Variants in CSMD1 observed in about 807,000 individuals in gnomAD.
CSMD1 encodes the protein CUB and Sushi multiple domains 1, also known as CUB and sushi domain-containing protein 1.
Under a neutral mutation model 417.5 loss-of-function variants are expected in CSMD1, and 213 were observed. The ratio of observed to expected loss-of-function variants is 0.51; its 90% CI spans 0.46 to 0.57. The LOEUF (loss-of-function observed/expected upper bound fraction) is 0.57. Ranked by LOEUF, CSMD1 falls within the 20% of genes least tolerant of loss-of-function variation. CSMD1 has a pLI of 0.00. For synonymous variants in CSMD1, 2,862 were observed against 1,736.8 expected, an observed-to-expected ratio of 1.65 and a Z score of -16.11; for missense variants, 6,923 against 4,529.7, an observed-to-expected ratio of 1.53 and a Z score of -15.17.
intron 3 of CSMD1, among the ~76,000 whole-genome samples, chr8:4,371,293 T>A (rs1356326670): frequency 1.3e-5 from 2 of 152,180 alleles, no homozygotes; most frequent in Non-Finnish European, 2.9e-5. Context: ...TCTGCTGGGC[T>A]GGAGAGGCCA....
chr8:4,951,240 C>G (rs191120650), intron 1 of CSMD1, among the ~76,000 whole-genome samples: 3 of 152,112 alleles, frequency 2.0e-5, no homozygotes, highest in South Asian at 2.1e-4. Context: ...GAAACTGTCT[C>G]TTTCCTGTGT....
In CSMD1 at chr8:3,528,012, C is replaced by T. The variant is rs146504781; in HGVS notation, c.1345-34286G>A. Among the ~76,000 whole-genome samples the T allele has an allele frequency of 2.0e-5, 3 of 152,118 alleles. 1 individual carries two copies. The highest frequency in any genetic ancestry group is 7.2e-5 in the African/African-American group (3 of 41,426). On this transcript the variant is annotated intron_variant, in intron 10 of 69. Transcript: ENST00000635120. ...GTACTTCTCCCTGGGTTTCTGACAA[C>T]CAAAACTGTCTCCAGCCATTGCCAT...
At chr8:3,269,817 G>A (rs1298951838) in intron 26 of CSMD1, among the ~76,000 whole-genome samples, 1 of 152,180 alleles carries the variant, frequency 6.6e-6, no homozygotes, top group Non-Finnish European at 1.5e-5. Context: ...ATGTCCTTCT[G>A]TTTTACATGC....
At chr8:3,933,980 G>C (rs1029602234) in intron 5 of CSMD1, among the ~76,000 whole-genome samples, 1 of 152,200 alleles carries the variant, frequency 6.6e-6, no homozygotes, top group South Asian at 2.1e-4. Context: ...GGCTAGTGAA[G>C]TGGCAAACCC....
chr8:3,582,789 G>T (rs543164882), intron 9 of CSMD1, among the ~76,000 whole-genome samples: 177 of 152,276 alleles, frequency 1.2e-3, no homozygotes, highest in African/African-American at 3.9e-3. Context: ...TAAATAAAAT[G>T]TTATTACAAT....
intron 5 of CSMD1, among the ~76,000 whole-genome samples, chr8:3,843,942 T>C (rs1235814590): frequency 6.6e-6 from 1 of 152,196 alleles, no homozygotes; most frequent in African/African-American, 2.4e-5. Context: ...CAAGGTTATC[T>C]GAGAACAATG....
chr8:4,272,075 C>G (rs186383270), intron 3 of CSMD1, among the ~76,000 whole-genome samples: 64 of 152,240 alleles, frequency 4.2e-4, no homozygotes, highest in African/African-American at 1.4e-3. Context: ...CAAACCTGCA[C>G]TGTTCAACTA....
chr8:4,806,350 G>C (rs1354811516), intron 1 of CSMD1, among the ~76,000 whole-genome samples: 1 of 152,140 alleles, frequency 6.6e-6, no homozygotes, highest in African/African-American at 2.4e-5. Context: ...TCAGTTTTCA[G>C]CGTTGCAGTA....
chr8:3,528,898 T>A (rs1797864106), intron 10 of CSMD1, among the ~76,000 whole-genome samples: 1 of 152,244 alleles, frequency 6.6e-6, no homozygotes, highest in South Asian at 2.1e-4. Context: ...GCATTTCATT[T>A]GCATTTATCT....
chr8:3,972,558 A>G (rs17068296), intron 5 of CSMD1, among the ~76,000 whole-genome samples: 7,702 of 152,316 alleles, frequency 0.051, 322 homozygotes, highest in African/African-American at 0.1. Context: ...CATATTGCTC[A>G]CAGGGCCTCT....
chr8:3,359,136 G>GC lies in CSMD1; in HGVS notation c.3304+15dup. On this transcript the variant is annotated intron_variant, in intron 21 of 69. Coordinates refer to ENST00000635120, the MANE Select transcript of CSMD1 (RefSeq NM_033225.6). Reference sequence around the variant, plus strand: ...GCCCCCATGGATGAATGAAATGAAAGCGTGTGACCACCTACCCACACACCT... The same window carrying GC: ...GCCCCCATGGATGAATGAAATGAAAGCCGTGTGACCACCTACCCACACACCT... The GC allele has an allele frequency of 6.2e-7, 1 of 1,613,166 alleles. No homozygotes were observed. The highest frequency in any genetic ancestry group is 8.5e-7 in the Non-Finnish European group (1 of 1,179,364).
chr8:3,685,063 A>C (rs967756002), intron 7 of CSMD1, among the ~76,000 whole-genome samples: 3 of 152,192 alleles, frequency 2.0e-5, no homozygotes, highest in Non-Finnish European at 4.4e-5. Context: ...TGAAATAAAA[A>C]TAAGAGATGT....
intron 1 of CSMD1, among the ~76,000 whole-genome samples, chr8:4,812,799 G>A (rs770907438): frequency 7.9e-5 from 12 of 152,124 alleles, no homozygotes; most frequent in Non-Finnish European, 1.8e-4. Context: ...ATGCTCTTAT[G>A]GAGGAAAACA....
At chr8:4,919,433 A>T (rs1219753592) in intron 1 of CSMD1, among the ~76,000 whole-genome samples, 1 of 152,174 alleles carries the variant, frequency 6.6e-6, no homozygotes, top group East Asian at 1.9e-4. Flanking sequence ...ATAATAACAA[A>T]AATTAAGGGG....
chr8:4,138,439 C>CA (rs879398334), intron 3 of CSMD1, among the ~76,000 whole-genome samples: 7 of 151,844 alleles, frequency 4.6e-5, no homozygotes, highest in Non-Finnish European at 8.8e-5. Flanking sequence ...CACCTTCTAT[C>CA]AAAAAAACAC....
chr8:3,335,397 G>T (rs942060212), intron 23 of CSMD1, among the ~76,000 whole-genome samples: 2 of 152,164 alleles, frequency 1.3e-5, no homozygotes, highest in African/African-American at 4.8e-5. Context: ...GAAAGGTTTG[G>T]CCAGGCATGG....
intron 3 of CSMD1, among the ~76,000 whole-genome samples, chr8:4,376,255 C>T (rs563170148): frequency 6.6e-6 from 1 of 152,264 alleles, no homozygotes; most frequent in Non-Finnish European, 1.5e-5. Flanking sequence ...ATACTGATAG[C>T]ATTTTCTCTG....
intron 5 of CSMD1, among the ~76,000 whole-genome samples, chr8:3,941,164 T>A (rs1338661747): frequency 6.6e-6 from 1 of 152,076 alleles, no homozygotes; most frequent in Non-Finnish European, 1.5e-5. Context: ...CATTTCAAAA[T>A]AAAATATTCA....
intron 53 of CSMD1, 135 bp downstream of exon 53, chr8:2,999,823 T>C: frequency 1.4e-6 from 1 of 711,262 alleles, no homozygotes; most frequent in Non-Finnish European, 2.2e-6. Flanking sequence ...TTCTCTTTCT[T>C]TGTATAGGCA....
Sources: gnomAD v4.1 joint callset for allele counts (sites outside exome capture counted in the v4.1 genomes callset) on GRCh38, gnomAD v4.1.1 for gene constraint, MANE v1.5 for transcripts, NCBI Gene and HGNC (gene_info 2026-07-23, HGNC 2026-07-21) for gene names.